The following GRAMD1B variants were observed in gnomAD, a reference collection of about 807,000 sequenced individuals.
GRAMD1B encodes the protein GRAM domain containing 1B, also known as protein Aster-B.
A neutral mutation model predicts 99.7 loss-of-function variants in GRAMD1B; 37 were observed. The observed-to-expected ratio is 0.37, with a 90% CI of 0.29 to 0.49. The LOEUF is 0.49. GRAMD1B is among the 20% of genes least tolerant of loss of function. GRAMD1B has a pLI of 0.98. For synonymous variants in GRAMD1B, 427 were observed against 387.6 expected (o/e 1.10, Z -1.19); for missense variants, 888 against 1,009.2 (o/e 0.88, Z 1.63).
At position 123,431,011 on chromosome 11, in the gene GRAMD1B, G is replaced by T. The variant is rs1433141975; in HGVS notation, c.219G>T (p.Glu73Asp). The change falls in exon 1 of 20, where the codon GAG becomes GAT. Residue 73 changes from glutamate (E) to aspartate (D), a missense_variant. By Grantham distance (45) the Glu-to-Asp change is conservative. Around this residue, in one of 5 missense-constraint regions of GRAMD1B, gnomAD observed 233 missense variants for 154.6 expected, o/e 1.51. Coordinates refer to ENST00000635736, the MANE Select transcript of GRAMD1B (RefSeq NM_001387025.1). ...CCGCCGTCTTGGCCCCCGGCAAGGAGTTCCTGCAGCTGCCGTCCATCGAGA... is the reference window on the plus strand; with the variant it reads ...CCGCCGTCTTGGCCCCCGGCAAGGATTTCCTGCAGCTGCCGTCCATCGAGA... ...DLPAVLAPGK[E>D]FLQLPSIEIT... 3 of 702,978 alleles carry T rather than the reference G, an allele frequency of 4.3e-6. No homozygotes were observed. The African/African-American group carries it at 5.2e-5, about 12-fold the overall frequency. The allele number at this position is 702,978 out of a possible 1,614,324, so 43.5% of individuals were successfully genotyped here.
At chr11:123,504,858 T>A (rs980606568) in intron 2 of GRAMD1B, among the ~76,000 whole-genome samples, 1 of 152,214 alleles carries the variant, frequency 6.6e-6, no homozygotes, top group Non-Finnish European at 1.5e-5. Flanking sequence ...ATTTTTGTAT[T>A]TTTAGTAGAG....
In GRAMD1B at chr11:123,467,833, C is replaced by CCTTCCTTCCTTCCTT. The variant is rs201070086; in HGVS notation, c.375-12982_375-12981insTTCCTTCCTTCCTTC. Among the ~76,000 whole-genome samples, 60 of 98,924 alleles carry CCTTCCTTCCTTCCTT rather than the reference C, an allele frequency of 6.1e-4. No homozygotes were observed. The South Asian group carries it at 8.2e-3, about 14-fold the overall frequency. The allele number at this position is 98,924 out of a possible 152,430, so 64.9% of individuals were successfully genotyped here. A position where few individuals can be genotyped will look rare whatever the true frequency, so the allele number is the denominator to read the frequency against. On this transcript the variant is annotated intron_variant, in intron 1 of 19. Transcript: ENST00000635736. ...TTTCTTTTCTTTTCCCTCCCTCCCT[C>CCTTCCTTCCTTCCTT]CCTCCCTCCCTTCCTTCCTTCCTTC...
Position 123,422,503 on chromosome 11 carries a change from A to G in GRAMD1B, c.-175-58313A>G, listed in dbSNP as rs559357976. ...AAAAGTAATTCCAATTTTTTGCTTG[A>G]CATAATATGTAAAGGCTAATATTTC... On this transcript the variant is annotated intron_variant, in intron 1 of 20. Transcript: ENST00000638157. 3.3e-5 allele frequency among the ~76,000 whole-genome samples: 5 copies of G among 152,310 alleles called. No homozygotes were observed. In the East Asian group the frequency reaches 9.6e-4, roughly 29 times the overall value.
chr11:123,605,379 C>G lies in GRAMD1B; in HGVS notation c.1224C>G (p.Ser408Arg), dbSNP rs889307024. The stretch of plus-strand genomic sequence containing the variant: ...AAGTGAATGACAGCTCATCCAAGAG[C>G]AGCATAGAGACCAAGCCAGATGCCA... ...ENEVNDSSSK[S>R]SIETKPDASP... The change falls in exon 10 of 20, where the codon AGC becomes AGG. Residue 408 changes from serine (S) to arginine (R), a missense_variant. This residue lies in a region of GRAMD1B where 269 missense variants were observed against 296.6 expected (regional missense o/e 0.91). Transcript: ENST00000635736. 6.2e-7 allele frequency: 1 copy of G among 1,612,998 alleles called. No homozygotes were observed. The highest frequency in any genetic ancestry group is 2.2e-5 in the East Asian group (1 of 44,852).
chr11:123,548,279 A>T (rs1000418594), intron 2 of GRAMD1B, among the ~76,000 whole-genome samples: 1 of 134,794 alleles, frequency 7.4e-6, no homozygotes, highest in Admixed American at 7.7e-5. Flanking sequence ...TGGAAGAGTC[A>T]GGCTGTGCCA....
chr11:123,413,578 G>A (rs1275408651), intron 1 of GRAMD1B, among the ~76,000 whole-genome samples: 1 of 152,024 alleles, frequency 6.6e-6, no homozygotes, highest in Non-Finnish European at 1.5e-5. Flanking sequence ...AACTACATGG[G>A]GTTTACTTCT....
chr11:123,592,722 G>C (rs1260005320), intron 4 of GRAMD1B, among the ~76,000 whole-genome samples: 1 of 150,898 alleles, frequency 6.6e-6, no homozygotes. Context: ...TTTTGTTTTT[G>C]TAGCCATTGG....
chr11:123,551,020 T>G (rs1159168122), intron 2 of GRAMD1B, among the ~76,000 whole-genome samples: 1 of 152,156 alleles, frequency 6.6e-6, no homozygotes, highest in Non-Finnish European at 1.5e-5. Context: ...TGCAGGAGTT[T>G]TATTGGGAAG....
intron 1 of GRAMD1B, among the ~76,000 whole-genome samples, chr11:123,373,381 ACT>A (rs1244985254): frequency 2.0e-5 from 3 of 151,866 alleles, no homozygotes; most frequent in Non-Finnish European, 4.4e-5. Flanking sequence ...TATGGCACAG[ACT>A]CTCTGTGATC....
intron 2 of GRAMD1B, among the ~76,000 whole-genome samples, chr11:123,560,041 C>T (rs1946544311): frequency 1.3e-5 from 2 of 149,056 alleles, no homozygotes; most frequent in South Asian, 4.2e-4. Flanking sequence ...TGTATTTTGT[C>T]GGATTGAGGG....
chr11:123,477,518 T>C (rs1951348449), intron 1 of GRAMD1B, among the ~76,000 whole-genome samples: 1 of 151,728 alleles, frequency 6.6e-6, no homozygotes, highest in African/African-American at 2.4e-5. Flanking sequence ...GGCAAAGTCA[T>C]TCCAAATCCT....
intron 1 of GRAMD1B, among the ~76,000 whole-genome samples, chr11:123,409,454 G>T (rs1183320434): frequency 6.6e-6 from 1 of 152,182 alleles, no homozygotes; most frequent in Non-Finnish European, 1.5e-5. Flanking sequence ...TTGCTCCCCT[G>T]ACACTGCTGA....
intron 1 of GRAMD1B, among the ~76,000 whole-genome samples, chr11:123,375,887 C>T (rs900451259): frequency 3.2e-4 from 48 of 152,106 alleles, no homozygotes; most frequent in Non-Finnish European, 4.4e-5. Context: ...TTACTGAGCG[C>T]CTGCTATCTA....
intron 2 of GRAMD1B, among the ~76,000 whole-genome samples, chr11:123,482,181 C>T (rs961870023): frequency 2.6e-5 from 4 of 152,026 alleles, no homozygotes; most frequent in African/African-American, 9.7e-5. Context: ...TCACTGCAAC[C>T]TCCACCTCCT....
At chr11:123,479,830 A>G (rs1951492315) in intron 1 of GRAMD1B, among the ~76,000 whole-genome samples, 1 of 152,210 alleles carries the variant, frequency 6.6e-6, no homozygotes, top group African/African-American at 2.4e-5. Context: ...TGGACACTAA[A>G]TTTAAATTTC....
intron 1 of GRAMD1B, among the ~76,000 whole-genome samples, chr11:123,371,293 A>T (rs1946520662): frequency 6.6e-6 from 1 of 152,106 alleles, no homozygotes; most frequent in African/African-American, 2.4e-5. Flanking sequence ...CTGGAATCAG[A>T]TAGGTCTCAC....
rs964026036 is a variant in GRAMD1B at position 123,444,881 on chromosome 11, A to T, written c.374+13715A>T. ...TTTGTAGGTGGAGCTGAGAGATCCA[A>T]CCTTCTAATCCTCTAGTCACTTGGT... On this transcript the variant is annotated intron_variant, in intron 1 of 19. Coordinates refer to ENST00000635736, the MANE Select transcript of GRAMD1B (RefSeq NM_001387025.1). 2.0e-5 allele frequency among the ~76,000 whole-genome samples: 3 copies of T among 152,134 alleles called. No individual in the cohort carries two copies. In the East Asian group the frequency reaches 5.8e-4, roughly 29 times the overall value.
chr11:123,605,161 T>TGGGGTA (rs915092717), intron 9 of GRAMD1B, among the ~76,000 whole-genome samples, 161 bp from the exon 10 acceptor site: 3 of 151,666 alleles, frequency 2.0e-5, no homozygotes, highest in African/African-American at 7.3e-5. Flanking sequence ...AGAAGAGCAA[T>TGGGGTA]GGGGTAGGCA....
intron 2 of GRAMD1B, among the ~76,000 whole-genome samples, chr11:123,489,289 C>T (rs1938268367): frequency 1.3e-5 from 2 of 152,166 alleles, no homozygotes; most frequent in Admixed American, 1.3e-4. Flanking sequence ...GAGTGAACTA[C>T]TCATGGAGTG....
Sources: gnomAD v4.1 joint callset for allele counts (sites outside exome capture counted in the v4.1 genomes callset) on GRCh38, gnomAD v4.1.1 for gene constraint, gnomAD v4.1.1 regional missense constraint, MANE v1.5 for transcripts, NCBI Gene and HGNC (gene_info 2026-07-23, HGNC 2026-07-21) for gene names.